Variants in CACNA2D3 observed in about 807,000 individuals in gnomAD.
CACNA2D3 encodes the protein calcium voltage-gated channel auxiliary subunit alpha2delta 3.
In CACNA2D3, 60 loss-of-function variants were observed where a neutral mutation model predicts 160.6. That is an observed-to-expected ratio of 0.37 (90% confidence interval 0.30 to 0.46). The LOEUF is 0.46. Ranked by LOEUF, CACNA2D3 falls within the 20% of genes least tolerant of loss-of-function variation. CACNA2D3 has a pLI of 1.00. For synonymous variants in CACNA2D3, 558 were observed against 492.9 expected (o/e 1.13, Z -1.75); for missense variants, 1,205 against 1,365.0 (o/e 0.88, Z 1.85).
chr3:54,966,931 T>C (rs909563799), intron 27 of CACNA2D3: 2 of 152,224 alleles, frequency 1.3e-5, no homozygotes, highest in Non-Finnish European at 2.9e-5. Context: ...CATTTACCTA[T>C]GGGTCGTCTG....
chr3:54,552,860 T>C (rs952047692), intron 5 of CACNA2D3, among the ~76,000 whole-genome samples: 4 of 152,222 alleles, frequency 2.6e-5, no homozygotes, highest in African/African-American at 4.8e-5. Context: ...AAAATTGATA[T>C]ATTTATGGCA....
intron 5 of CACNA2D3, among the ~76,000 whole-genome samples, chr3:54,546,424 A>T (rs887977057): frequency 2.6e-5 from 4 of 152,162 alleles, no homozygotes; most frequent in African/African-American, 9.7e-5. Context: ...GAAATGCTTA[A>T]GTAGCCTCTA....
chr3:54,439,861 C>T (rs1012414074), intron 4 of CACNA2D3, among the ~76,000 whole-genome samples: 3 of 152,200 alleles, frequency 2.0e-5, no homozygotes, highest in African/African-American at 7.2e-5. Flanking sequence ...CCCCTCCCTG[C>T]CCCACAACTG....
intron 13 of CACNA2D3, among the ~76,000 whole-genome samples, chr3:54,812,334 A>T (rs746570299): frequency 6.6e-6 from 1 of 152,224 alleles, no homozygotes; most frequent in Non-Finnish European, 1.5e-5. Flanking sequence ...GGTATGTGGT[A>T]CTAGGAAGGC....
intron 27 of CACNA2D3, chr3:54,918,986 A>T: frequency 2.1e-6 from 2 of 974,342 alleles, no homozygotes; most frequent in Non-Finnish European, 1.4e-6. Context: ...GATGGAATTT[A>T]TGAAGTACCT....
chr3:54,726,771 G>A (rs71474843), intron 11 of CACNA2D3, among the ~76,000 whole-genome samples: 1 of 152,156 alleles, frequency 6.6e-6, no homozygotes, highest in African/African-American at 2.4e-5. Flanking sequence ...ACTCAAGGTG[G>A]ATCAAAGACT....
intron 2 of CACNA2D3, among the ~76,000 whole-genome samples, chr3:54,255,572 A>G (rs1388149081): frequency 3.3e-5 from 5 of 152,136 alleles, no homozygotes; most frequent in African/African-American, 7.2e-5. Flanking sequence ...TTCCTGGGCT[A>G]TCTTTCCTGA....
At chr3:54,687,121 C>CTTTTTCTTTTTTTTTTTTTTTTTT in intron 11 of CACNA2D3, among the ~76,000 whole-genome samples, 4 of 94,932 alleles carry the variant, frequency 4.2e-5, no homozygotes, top group Non-Finnish European at 6.2e-5. Context: ...TTTTCTTTTT[C>CTTTTTCTTTTTTTTTTTTTTTTTT]TTTTTTTTTT....
intron 17 of CACNA2D3, among the ~76,000 whole-genome samples, chr3:54,863,732 A>G (rs1381926330): frequency 6.6e-6 from 1 of 151,912 alleles, no homozygotes; most frequent in East Asian, 1.9e-4. Context: ...TAAAAAAAAA[A>G]TACCAAAGCT....
At chr3:54,250,970 C>G (rs1443508398) in intron 2 of CACNA2D3, among the ~76,000 whole-genome samples, 3 of 152,040 alleles carry the variant, frequency 2.0e-5, no homozygotes, top group Non-Finnish European at 4.4e-5. Flanking sequence ...GAGTAAAGAT[C>G]TGAGTAAAGA....
Position 54,626,517 on chromosome 3 carries a change from C to G in CACNA2D3, c.964-1270C>G, listed in dbSNP as rs556042737. Reference sequence around the variant, plus strand: ...TGGGCGTCTACAACGGCAAGACCTTCAACCAGGTGGAGATCAAGCCCGAGA... The same window carrying G: ...TGGGCGTCTACAACGGCAAGACCTTGAACCAGGTGGAGATCAAGCCCGAGA... On this transcript the variant is annotated intron_variant, in intron 9 of 37. Transcript: ENST00000474759. 9.9e-6 allele frequency: 16 copies of G among 1,608,308 alleles called. 1 individual carries two copies. The South Asian group carries it at 1.2e-4, about 12-fold the overall frequency.
chr3:54,581,694 G>A (rs1370484045), intron 8 of CACNA2D3, 109 bp from the exon 9 acceptor site: 7 of 793,794 alleles, frequency 8.8e-6, no homozygotes, highest in Non-Finnish European at 1.3e-5. Context: ...AATAAATGGA[G>A]CCTGTGATTG....
At chr3:54,329,835 T>C (rs1202536093) in intron 3 of CACNA2D3, among the ~76,000 whole-genome samples, 1 of 152,234 alleles carries the variant, frequency 6.6e-6, no homozygotes, top group Non-Finnish European at 1.5e-5. Flanking sequence ...CAGAAATATT[T>C]TGAATGCATA....
chr3:54,656,865 G>A (rs546079088), intron 11 of CACNA2D3, among the ~76,000 whole-genome samples: 5 of 152,300 alleles, frequency 3.3e-5, no homozygotes, highest in African/African-American at 9.6e-5. Flanking sequence ...TGGTGCATGC[G>A]GATGTATGTA....
chr3:55,073,579 C>T (rs1429929691), intron 36 of CACNA2D3, 22 bp downstream of exon 36: 2 of 1,566,718 alleles, frequency 1.3e-6, no homozygotes, highest in African/African-American at 2.7e-5. Flanking sequence ...TGTGCAGGTC[C>T]ACTCACTACC....
At chr3:54,728,403 A>T (rs924286588) in intron 11 of CACNA2D3, among the ~76,000 whole-genome samples, 5 of 152,126 alleles carry the variant, frequency 3.3e-5, no homozygotes, top group African/African-American at 1.2e-4. Flanking sequence ...AATGTTTTCA[A>T]TTCTAGGAAT....
chr3:54,629,319 A>G (rs1463156309), intron 10 of CACNA2D3, among the ~76,000 whole-genome samples: 1 of 152,064 alleles, frequency 6.6e-6, no homozygotes, highest in Non-Finnish European at 1.5e-5. Flanking sequence ...ATTGTGGGTT[A>G]GTTACACCTG....
chr3:54,253,862 C>T (rs9827268), intron 2 of CACNA2D3, among the ~76,000 whole-genome samples: 2 of 151,704 alleles, frequency 1.3e-5, no homozygotes, highest in Non-Finnish European at 2.9e-5. Flanking sequence ...CTGCCACCCA[C>T]GTTCAAGCAA....
chr3:54,281,663 C>T (rs575189673), intron 2 of CACNA2D3, among the ~76,000 whole-genome samples: 5 of 152,290 alleles, frequency 3.3e-5, no homozygotes, highest in African/African-American at 1.2e-4. Context: ...TGTCTTCCTG[C>T]CTCTGCACAT....
Sources: allele counts gnomAD v4.1 joint callset (sites outside exome capture counted in the v4.1 genomes callset), GRCh38; gene constraint gnomAD v4.1.1; transcripts MANE v1.5; gene names NCBI Gene and HGNC (gene_info 2026-07-23, HGNC 2026-07-21).